RHOJ: variants seen among roughly 807,000 people sequenced by gnomAD.
The protein encoded by RHOJ is ras homolog family member J.
RHOJ carries 11 observed loss-of-function variants against 23.4 expected under a neutral mutation model. That is an observed-to-expected ratio of 0.47 (90% CI 0.30 to 0.78). The LOEUF (loss-of-function observed/expected upper bound fraction) is 0.78. Among genes scored for constraint, RHOJ ranks in the 30% least tolerant of loss-of-function variants. The pLI is 0.08. For missense variants in RHOJ, 254 were observed against 273.4 expected, an observed-to-expected ratio of 0.93 and a Z score of 0.50; for synonymous variants, 102 against 102.7, an observed-to-expected ratio of 0.99 and a Z score of 0.04.
chr14:63,258,863 T>C (rs1433096005), intron 1 of RHOJ, among the ~76,000 whole-genome samples: 1 of 152,252 alleles, frequency 6.6e-6, no homozygotes, highest in Non-Finnish European at 1.5e-5. Context: ...CTGCAGGTAC[T>C]GTGTGTTTCC....
intron 1 of RHOJ, among the ~76,000 whole-genome samples, chr14:63,240,971 C>T (rs1894872901): frequency 6.6e-6 from 1 of 152,186 alleles, no homozygotes; most frequent in Non-Finnish European, 1.5e-5. Flanking sequence ...CAAATTCAAC[C>T]CATGGCAAGT....
At position 63,257,944 on chromosome 14, in the gene RHOJ, G is replaced by C. The variant is rs576379033; in HGVS notation, c.179-11166G>C. Among the ~76,000 whole-genome samples, 23 of 149,738 alleles carry C rather than the reference G, an allele frequency of 1.5e-4. 1 individual carries two copies. The highest frequency in any genetic ancestry group is 4.9e-4 in the African/African-American group (20 of 40,692). On this transcript the variant is annotated intron_variant, in intron 1 of 4. Coordinates refer to ENST00000316754, the MANE Select transcript of RHOJ (RefSeq NM_020663.5). ...CTAACCCATTAGTGACTGACTCCAA[G>C]AGGGCTATCATCTGGCTCACACCTG...
At chr14:63,209,806 G>C (rs1048329984) in intron 1 of RHOJ, among the ~76,000 whole-genome samples, 1 of 151,902 alleles carries the variant, frequency 6.6e-6, no homozygotes, top group Non-Finnish European at 1.5e-5. Flanking sequence ...TGAACAAATT[G>C]CTTGTCCAAT....
Position 63,292,422 on chromosome 14 carries a change from A to C in RHOJ, c.*1398A>C, listed in dbSNP as rs535637368. The C allele has an allele frequency of 6.6e-6, 1 of 152,206 alleles. No homozygotes were observed. Among genetic ancestry groups the C allele is most frequent in the Admixed American group, 6.5e-5 (1 of 15,282 alleles). The allele number at this position is 152,206 out of a possible 1,614,324, so 9.4% of individuals were successfully genotyped here. ...CCAGGAATTTTTGTATCATAGAGCGAATTACTTCCTATCTTTTCATTAGAG... is the reference window on the plus strand; with the variant it reads ...CCAGGAATTTTTGTATCATAGAGCGCATTACTTCCTATCTTTTCATTAGAG... On this transcript the variant is annotated 3_prime_UTR_variant, in exon 5 of 5. Transcript: ENST00000316754.
chr14:63,253,294 G>T (rs1157220639), intron 1 of RHOJ, among the ~76,000 whole-genome samples: 1 of 152,014 alleles, frequency 6.6e-6, no homozygotes, highest in African/African-American at 2.4e-5. Context: ...TTAGAGGCAG[G>T]GTCTTACTCT....
At chr14:63,225,611 A>G (rs1300919946) in intron 1 of RHOJ, among the ~76,000 whole-genome samples, 1 of 152,212 alleles carries the variant, frequency 6.6e-6, no homozygotes, top group African/African-American at 2.4e-5. Flanking sequence ...GAAAAATGGG[A>G]AACAAAAACA....
At chr14:63,235,323 T>C (rs553232552) in intron 1 of RHOJ, among the ~76,000 whole-genome samples, 1 of 152,288 alleles carries the variant, frequency 6.6e-6, no homozygotes, top group African/African-American at 2.4e-5. Context: ...AAAAAAGCTA[T>C]TAAAGTCATT....
chr14:63,245,140 A>T (rs1381609988), intron 1 of RHOJ, among the ~76,000 whole-genome samples: 1 of 152,170 alleles, frequency 6.6e-6, no homozygotes, highest in Non-Finnish European at 1.5e-5. Flanking sequence ...ATTAAACCCA[A>T]AGTGTTTCCA....
intron 1 of RHOJ, among the ~76,000 whole-genome samples, chr14:63,219,610 G>A (rs946152235): frequency 2.0e-5 from 3 of 152,152 alleles, no homozygotes; most frequent in Admixed American, 6.5e-5. Flanking sequence ...AAGGTCAGGA[G>A]ATCAAGACCA....
chr14:63,282,688 A>G (rs1413990884), intron 3 of RHOJ, among the ~76,000 whole-genome samples: 1 of 152,080 alleles, frequency 6.6e-6, no homozygotes, highest in Non-Finnish European at 1.5e-5. Context: ...AAGCGAAAAA[A>G]AAAAAAAAAA....
chr14:63,288,451 C>T (rs1367609116), intron 4 of RHOJ: 1 of 472,464 alleles, frequency 2.1e-6, no homozygotes, highest in African/African-American at 2.1e-5. Flanking sequence ...ACAAGTGCCA[C>T]CACGTTACAG....
chr14:63,291,159 TGA>T lies in RHOJ; in HGVS notation c.*137_*138del. ...CACGGAGGCTTGCCCCATCACCCTC[TGA>T]GCCCTCCCAACACAGCACACTAGTC... On this transcript the variant is annotated 3_prime_UTR_variant, in exon 5 of 5. Transcript: ENST00000316754. The T allele has an allele frequency of 1.0e-6, 1 of 999,208 alleles. No homozygotes were observed. Among genetic ancestry groups the T allele is most frequent in the Non-Finnish European group, 1.5e-6 (1 of 651,086 alleles). The allele number at this position is 999,208 out of a possible 1,614,324, so 61.9% of individuals were successfully genotyped here. A position where few individuals can be genotyped will look rare whatever the true frequency, so the allele number is the denominator to read the frequency against.
At chr14:63,263,506 T>C (rs956142724) in intron 1 of RHOJ, among the ~76,000 whole-genome samples, 1 of 152,184 alleles carries the variant, frequency 6.6e-6, no homozygotes, top group Admixed American at 6.5e-5. Context: ...CTTATCTTCC[T>C]TCTGATAGAA....
chr14:63,223,635 C>T (rs148413910), intron 1 of RHOJ, among the ~76,000 whole-genome samples: 1 of 151,904 alleles, frequency 6.6e-6, no homozygotes, highest in African/African-American at 2.4e-5. Context: ...TCAAGGACAC[C>T]CCTGGAAGAA....
At chr14:63,227,577 C>A (rs1355355303) in intron 1 of RHOJ, among the ~76,000 whole-genome samples, 1 of 152,100 alleles carries the variant, frequency 6.6e-6, no homozygotes, top group Non-Finnish European at 1.5e-5. Flanking sequence ...AGGAACAATA[C>A]CCTATGAGTC....
At chr14:63,290,779 G>A (rs981867953) in intron 4 of RHOJ, 99 bp from the exon 5 acceptor site, 6 of 1,218,864 alleles carry the variant, frequency 4.9e-6, no homozygotes, top group Non-Finnish European at 6.8e-6. Flanking sequence ...GCTGTTTGTA[G>A]GACAGGCAGA....
chr14:63,257,096 G>A (rs1370412207), intron 1 of RHOJ, among the ~76,000 whole-genome samples: 1 of 148,580 alleles, frequency 6.7e-6, no homozygotes, highest in African/African-American at 2.5e-5. Flanking sequence ...AAATTAGCCA[G>A]GCATGGTGGC....
chr14:63,282,210 T>A (rs1168480685), intron 3 of RHOJ, among the ~76,000 whole-genome samples: 5 of 151,912 alleles, frequency 3.3e-5, no homozygotes, highest in Non-Finnish European at 7.4e-5. Flanking sequence ...GAACATTCAA[T>A]CACCTTTCTG....
chr14:63,220,366 TA>T (rs142262514), intron 1 of RHOJ, among the ~76,000 whole-genome samples: 19,487 of 149,388 alleles, frequency 0.13, 1,462 homozygotes, highest in East Asian at 0.33. Context: ...CCTGAGTAAT[TA>T]AAAAAAAATC....
Sources: allele counts gnomAD v4.1 joint callset (sites outside exome capture counted in the v4.1 genomes callset), GRCh38; gene constraint gnomAD v4.1.1; transcripts MANE v1.5; gene names NCBI Gene and HGNC (gene_info 2026-07-23, HGNC 2026-07-21).